Variants in UBE2E2 observed in about 807,000 individuals in gnomAD.
UBE2E2 encodes ubiquitin conjugating enzyme E2 E2.
Under a neutral mutation model 24.7 loss-of-function variants are expected in UBE2E2, and 6 were observed. The ratio of observed to expected loss-of-function variants is 0.24; its 90% CI spans 0.13 to 0.48. The LOEUF is 0.48. Ranked by LOEUF, UBE2E2 falls within the 20% of genes least tolerant of loss-of-function variation. The pLI is 0.99. For synonymous variants in UBE2E2, 104 were observed against 83.6 expected (o/e 1.24, Z -1.33); for missense variants, 169 against 245.0 (o/e 0.69, Z 2.07).
intron 3 of UBE2E2, among the ~76,000 whole-genome samples, chr3:23,299,936 A>T (rs1436422211): frequency 2.0e-5 from 3 of 151,858 alleles, no homozygotes; most frequent in Non-Finnish European, 4.4e-5. Context: ...TTTGTAGGTC[A>T]CTCAGGACTT....
At chr3:23,231,071 T>C (rs1696963167) in intron 3 of UBE2E2, among the ~76,000 whole-genome samples, 1 of 152,166 alleles carries the variant, frequency 6.6e-6, no homozygotes, top group Admixed American at 6.5e-5. Context: ...AATGAATTTA[T>C]TTGCTTATTT....
chr3:23,401,486 G>T (rs964888969), intron 3 of UBE2E2, among the ~76,000 whole-genome samples: 1 of 152,138 alleles, frequency 6.6e-6, no homozygotes, highest in Non-Finnish European at 1.5e-5. Flanking sequence ...CCTTGTATGT[G>T]AAAAGGTAAA....
At chr3:23,259,860 T>A (rs1021547138) in intron 3 of UBE2E2, among the ~76,000 whole-genome samples, 2 of 152,172 alleles carry the variant, frequency 1.3e-5, no homozygotes, top group African/African-American at 4.8e-5. Context: ...TTTCTCTGCT[T>A]TATAGTGTCA....
At chr3:23,469,859 T>C (rs970831102) in intron 3 of UBE2E2, among the ~76,000 whole-genome samples, 2 of 152,224 alleles carry the variant, frequency 1.3e-5, no homozygotes, top group Non-Finnish European at 2.9e-5. Context: ...AATTGTTTTC[T>C]TGTCTTTCAT....
chr3:23,453,335 C>A (rs1372541411), intron 3 of UBE2E2, among the ~76,000 whole-genome samples: 1 of 151,540 alleles, frequency 6.6e-6, no homozygotes, highest in Non-Finnish European at 1.5e-5. Context: ...TGGAGGCTCT[C>A]CATTTGTTTC....
chr3:23,548,240 C>T (rs944396566), intron 5 of UBE2E2, among the ~76,000 whole-genome samples: 6 of 152,172 alleles, frequency 3.9e-5, no homozygotes, highest in African/African-American at 9.6e-5. Context: ...ACAACTAGAA[C>T]ATCATATAAA....
At chr3:23,251,077 T>A (rs931888221) in intron 3 of UBE2E2, among the ~76,000 whole-genome samples, 1 of 152,186 alleles carries the variant, frequency 6.6e-6, no homozygotes, top group African/African-American at 2.4e-5. Context: ...CACGCTGGTC[T>A]CAAACTCCTG....
intron 3 of UBE2E2, among the ~76,000 whole-genome samples, chr3:23,418,076 T>A (rs1165399932): frequency 6.6e-6 from 1 of 152,160 alleles, no homozygotes; most frequent in East Asian, 1.9e-4. Context: ...CGGTTCTGTC[T>A]TGCTGGCGTT....
At chr3:23,572,188 A>G (rs1275896772) in intron 5 of UBE2E2, among the ~76,000 whole-genome samples, 1 of 152,148 alleles carries the variant, frequency 6.6e-6, no homozygotes, top group Non-Finnish European at 1.5e-5. Context: ...TTTCTCCCTT[A>G]ATCACTACAA....
intron 3 of UBE2E2, among the ~76,000 whole-genome samples, chr3:23,386,692 T>C (rs952152488): frequency 1.3e-5 from 2 of 152,250 alleles, no homozygotes; most frequent in Non-Finnish European, 2.9e-5. Flanking sequence ...CGTCACATTA[T>C]TGTTTGACAG....
intron 3 of UBE2E2, 85 bp downstream of exon 3, chr3:23,217,397 A>G (rs1696506390): frequency 2.5e-6 from 3 of 1,213,196 alleles, no homozygotes; most frequent in African/African-American, 1.5e-5. Flanking sequence ...CTGTTGTTGT[A>G]GTCTGATTAA....
At chr3:23,493,977 A>G (rs978290699) in intron 3 of UBE2E2, among the ~76,000 whole-genome samples, 8 of 152,228 alleles carry the variant, frequency 5.3e-5, no homozygotes, top group Admixed American at 3.3e-4. Flanking sequence ...TTGTGCTATA[A>G]TGATCTCATT....
chr3:23,549,993 AT>A (rs1456108060), intron 5 of UBE2E2, among the ~76,000 whole-genome samples: 10 of 150,634 alleles, frequency 6.6e-5, no homozygotes, highest in Admixed American at 1.3e-4. Context: ...AGATCGCACC[AT>A]TGCACTCCAG....
At chr3:23,568,732 T>TATAC (rs1199259964) in intron 5 of UBE2E2, among the ~76,000 whole-genome samples, 134 of 129,630 alleles carry the variant, frequency 1.0e-3, no homozygotes, top group South Asian at 2.6e-3. Context: ...TATATATGTA[T>TATAC]ACATATATAT....
chr3:23,329,992 T>C (rs1160153766), intron 3 of UBE2E2, among the ~76,000 whole-genome samples: 1 of 152,210 alleles, frequency 6.6e-6, no homozygotes, highest in Non-Finnish European at 1.5e-5. Context: ...CTGATCTTAA[T>C]TGTGCATTTA....
intron 3 of UBE2E2, among the ~76,000 whole-genome samples, chr3:23,237,749 C>G (rs1319734557): frequency 6.6e-6 from 1 of 152,088 alleles, no homozygotes; most frequent in Non-Finnish European, 1.5e-5. Context: ...GGTCTTACGT[C>G]TTTGCTGGGC....
intron 3 of UBE2E2, among the ~76,000 whole-genome samples, chr3:23,341,750 T>C (rs561763443): frequency 6.6e-6 from 1 of 152,328 alleles, no homozygotes; most frequent in East Asian, 1.9e-4. Context: ...TTTAATAGTG[T>C]AGTAATTGAT....
chr3:23,284,963 ATAT>A (rs746601738), intron 3 of UBE2E2, among the ~76,000 whole-genome samples: 11 of 140,018 alleles, frequency 7.9e-5, no homozygotes, highest in African/African-American at 3.0e-4. Context: ...GGAAAAAAAA[ATAT>A]ATATATATAT....
Position 23,385,698 on chromosome 3 carries a change from A to C in UBE2E2, c.228-113910A>C, listed in dbSNP as rs1009683206. On this transcript the variant is annotated intron_variant, in intron 3 of 5. Coordinates refer to ENST00000396703, the MANE Select transcript of UBE2E2 (RefSeq NM_152653.4). ...GAGGGCAGAGTCCTCAAAGTCCTAC[A>C]TCATGGAATGCAAGATTGTGTGGTA... Among the ~76,000 whole-genome samples, 44 of 152,324 alleles carry C rather than the reference A, an allele frequency of 2.9e-4. 1 individual carries two copies. The highest frequency in any genetic ancestry group is 6.5e-5 in the Admixed American group (1 of 15,302).
Sources: gnomAD v4.1 joint callset for allele counts (sites outside exome capture counted in the v4.1 genomes callset) on GRCh38, gnomAD v4.1.1 for gene constraint, MANE v1.5 for transcripts, NCBI Gene and HGNC (gene_info 2026-07-23, HGNC 2026-07-21) for gene names.